USP16: variants seen among roughly 807,000 people sequenced by gnomAD.
USP16 encodes ubiquitin carboxyl-terminal hydrolase 16.
In USP16, 77 loss-of-function variants were observed where a neutral mutation model predicts 95.9. The observed-to-expected ratio is 0.80, with a 90% confidence interval of 0.67 to 0.97. The LOEUF (loss-of-function observed/expected upper bound fraction) is 0.97. Ranked by LOEUF, USP16 falls within the 50% of genes least tolerant of loss-of-function variation. USP16 has a pLI of 0.00. For missense variants in USP16, 943 were observed against 959.9 expected, an observed-to-expected ratio of 0.98 and a Z score of 0.23; for synonymous variants, 303 against 318.2, an observed-to-expected ratio of 0.95 and a Z score of 0.51.
chr21:29,053,760 A>T (rs1568903325), intron 16 of USP16, 42 bp from the exon 17 acceptor site: 1 of 1,592,994 alleles, frequency 6.3e-7, no homozygotes, highest in East Asian at 2.2e-5. Context: ...ATCTGTGTAA[A>T]TGGAACTAGA....
intron 13 of USP16, among the ~76,000 whole-genome samples, chr21:29,045,768 T>C (rs2146390404): frequency 6.6e-6 from 1 of 152,256 alleles, no homozygotes; most frequent in Non-Finnish European, 1.5e-5. Flanking sequence ...GGTTTTTTGA[T>C]GGTTGGTGAT....
intron 10 of USP16, 91 bp downstream of exon 10, chr21:29,040,778 A>G: frequency 3.6e-6 from 2 of 549,480 alleles, no homozygotes; most frequent in Non-Finnish European, 5.9e-6. Flanking sequence ...CCAAGTCCAC[A>G]ATTATTAATG....
intron 4 of USP16, 43 bp from the exon 5 acceptor site, chr21:29,036,224 TTTAG>T (rs2085154246): frequency 6.7e-7 from 1 of 1,491,486 alleles, no homozygotes; most frequent in East Asian, 2.3e-5. Flanking sequence ...TCTCCCCCTT[TTTAG>T]TTGTCATTTT....
chr21:29,030,687 A>G lies in USP16; in HGVS notation c.154A>G (p.Lys52Glu), dbSNP rs1028180851. The G allele has an allele frequency of 1.2e-6, 2 of 1,613,922 alleles. No individual in the cohort carries two copies. Among genetic ancestry groups the G allele is most frequent in the African/African-American group, 2.7e-5 (2 of 74,940 alleles). Residue 52 changes from lysine to glutamate, a missense_variant, in exon 3 of 18, where the codon AAG becomes GAG. Physicochemically the swap from Lys to Glu is moderately conservative, Grantham distance 56. Coordinates refer to ENST00000399976, the MANE Select transcript of USP16 (RefSeq NM_006447.3). Reference sequence around the variant, plus strand: ...GGAATGGAATATCTGCCAAGACTGTAAGACTGACAATAAAGTGAAAGATAA... The same window carrying G: ...GGAATGGAATATCTGCCAAGACTGTGAGACTGACAATAAAGTGAAAGATAA... ...NVEWNICQDC[K>E]TDNKVKDKAE...
intron 1 of USP16, among the ~76,000 whole-genome samples, chr21:29,027,542 T>A (rs1390785930): frequency 6.6e-6 from 1 of 152,252 alleles, no homozygotes; most frequent in South Asian, 2.1e-4. Context: ...TTCACATGTA[T>A]GTAGTGAGGA....
chr21:29,046,628 T>C, intron 13 of USP16, 39 bp from the exon 14 acceptor site: 1 of 1,547,892 alleles, frequency 6.5e-7, no homozygotes, highest in East Asian at 2.3e-5. Flanking sequence ...CCGCTCTTTC[T>C]TTTTCTTTAT....
chr21:29,045,737 T>G (rs905908844), intron 13 of USP16, among the ~76,000 whole-genome samples: 1 of 152,202 alleles, frequency 6.6e-6, no homozygotes, highest in Admixed American at 6.6e-5. Context: ...GTCTTGCATA[T>G]TTTTATTTCT....
chr21:29,040,083 C>T, intron 9 of USP16, among the ~76,000 whole-genome samples: 1 of 152,090 alleles, frequency 6.6e-6, no homozygotes, highest in Admixed American at 6.5e-5. Flanking sequence ...ATTTATTTCG[C>T]ACTTATTTTT....
chr21:29,033,436 T>C (rs1375387307), intron 3 of USP16, among the ~76,000 whole-genome samples: 1 of 152,252 alleles, frequency 6.6e-6, no homozygotes, highest in Non-Finnish European at 1.5e-5. Flanking sequence ...AAAGTATATA[T>C]TTAGCGGCAA....
chr21:29,041,910 A>T, intron 10 of USP16, 103 bp from the exon 11 acceptor site: 1 of 949,704 alleles, frequency 1.1e-6, no homozygotes, highest in Non-Finnish European at 1.6e-6. Flanking sequence ...CAGGAAATTT[A>T]AAATAAAATT....
At chr21:29,034,743 T>C in intron 3 of USP16, 94 bp from the exon 4 acceptor site, 1 of 1,150,970 alleles carries the variant, frequency 8.7e-7, no homozygotes, top group Non-Finnish European at 1.3e-6. Flanking sequence ...ATGGCAGAAT[T>C]TCATGAGCCA....
intron 1 of USP16, chr21:29,025,763 A>G (rs1246915941): frequency 4.1e-6 from 4 of 979,614 alleles, no homozygotes; most frequent in Non-Finnish European, 4.8e-6. Flanking sequence ...ATCATCCTTT[A>G]TGCCTCAGGT....
Position 29,053,820 on chromosome 21 carries a change from A to G in USP16, c.2212A>G (p.Thr738Ala). ...TTTAAAGAATGTTGCAGAAGAAAAT[A>G]CAAGGGTACTCTATTCCTTATATGG... Reference protein sequence around the residue: ...LKCKNVAEENTRVLYSLYGVV... With the variant: ...LKCKNVAEENARVLYSLYGVV... The change falls in exon 17 of 18, where the codon ACA becomes GCA. Residue 738 changes from threonine (T) to alanine (A), a missense_variant. By Grantham distance (58) the Thr-to-Ala change is moderately conservative. Transcript: ENST00000399976. 1.2e-6 allele frequency: 2 copies of G among 1,610,750 alleles called. No individual in the cohort carries two copies. Among genetic ancestry groups the G allele is most frequent in the Non-Finnish European group, 1.7e-6 (2 of 1,179,188 alleles).
At chr21:29,029,305 T>C (rs996285951) in intron 2 of USP16, among the ~76,000 whole-genome samples, 3 of 151,964 alleles carry the variant, frequency 2.0e-5, no homozygotes, top group Non-Finnish European at 2.9e-5. Flanking sequence ...CCCAGCTACT[T>C]GGGAGGCTGA....
Position 29,030,632 on chromosome 21 carries a change from A to C in USP16, c.99A>C (p.Gln33His). 1 of 1,613,386 alleles carries C rather than the reference A, an allele frequency of 6.2e-7. No homozygotes were observed. Among genetic ancestry groups the C allele is most frequent in the East Asian group, 2.2e-5 (1 of 44,834 alleles). ...VCRHIRKGLEQGNLKKALVNV... is the reference protein window; with the variant it reads ...VCRHIRKGLEHGNLKKALVNV... ...GACACATTAGAAAAGGATTGGAACA[A>C]GGTAATTTGAAAAAGGCTTTAGTGA... Residue 33 changes from glutamine to histidine, a missense_variant, in exon 3 of 18, where the codon CAA becomes CAC. Coordinates refer to ENST00000399976, the MANE Select transcript of USP16 (RefSeq NM_006447.3).
At chr21:29,033,847 G>A (rs1402951386) in intron 3 of USP16, among the ~76,000 whole-genome samples, 1 of 152,218 alleles carries the variant, frequency 6.6e-6, no homozygotes, top group African/African-American at 2.4e-5. Context: ...TGGGAGATAA[G>A]TATAGGCTTC....
intron 3 of USP16, among the ~76,000 whole-genome samples, chr21:29,031,449 G>GT (rs2085075030): frequency 1.3e-5 from 2 of 152,192 alleles, no homozygotes; most frequent in South Asian, 2.1e-4. Context: ...GTTTTTTGTT[G>GT]TTTTTTTGAG....
chr21:29,029,562 C>T (rs1013580021), intron 2 of USP16, among the ~76,000 whole-genome samples: 7 of 152,172 alleles, frequency 4.6e-5, no homozygotes, highest in Admixed American at 6.5e-5. Flanking sequence ...AATTATGCCA[C>T]TTGACTAGTT....
At chr21:29,048,050 T>C (rs1291206234) in intron 14 of USP16, among the ~76,000 whole-genome samples, 1 of 26,354 alleles carries the variant, frequency 3.8e-5, no homozygotes, top group Non-Finnish European at 9.5e-5. Flanking sequence ...AGACGATACG[T>C]GTGTGTGTGT....
Sources: gnomAD v4.1 joint callset for allele counts (sites outside exome capture counted in the v4.1 genomes callset) on GRCh38, gnomAD v4.1.1 for gene constraint, MANE v1.5 for transcripts, NCBI Gene and HGNC (gene_info 2026-07-23, HGNC 2026-07-21) for gene names.